Variants in ASTE1 observed in about 807,000 individuals in gnomAD.
ASTE1 encodes asteroid structure-specific endonuclease 1, also known as single-strand DNA endonuclease ASTE1.
Under a neutral mutation model 45.8 loss-of-function variants are expected in ASTE1, and 49 were observed. The observed-to-expected ratio is 1.07, with a 90% confidence interval of 0.85 to 1.36. The LOEUF (loss-of-function observed/expected upper bound fraction) is 1.36, where lower values mean the gene tolerates loss of function less well. Among genes scored for constraint, ASTE1 ranks in the 40% most tolerant of loss-of-function variants. ASTE1 has a pLI of 0.00. For missense variants in ASTE1, 709 were observed against 804.0 expected (o/e 0.88, Z 1.43); for synonymous variants, 296 against 303.9 (o/e 0.97, Z 0.27).
chr3:131,023,842 A>G (rs1013848753), intron 3 of ASTE1, among the ~76,000 whole-genome samples, 163 bp downstream of exon 3: 1 of 152,164 alleles, frequency 6.6e-6, no homozygotes, highest in Non-Finnish European at 1.5e-5. Context: ...TGGCTAAGAC[A>G]TTACCTAGTT....
chr3:131,016,267 C>T lies in ASTE1; in HGVS notation c.1586G>A (p.Arg529Gln), dbSNP rs768795298. 28 of 1,613,962 alleles carry T rather than the reference C, an allele frequency of 1.7e-5. No homozygotes were observed. The highest frequency in any genetic ancestry group is 1.3e-4 in the Admixed American group (8 of 59,980). ...GTCTAAGTCCAGTCTTGTGCCCAGC[C>T]GTGTCTGCGCCTTCACTCTTTGGAA... ...AEFQRVKAQT[R>Q]LGTRLDLDTA... Residue 529 changes from arginine to glutamine, a missense_variant, in exon 5 of 6, where the codon CGG becomes CAG. By Grantham distance (43) the Arg-to-Gln change is conservative. Transcript: ENST00000264992.
Position 131,025,345 on chromosome 3 carries a change from CAG to C in ASTE1, c.-25-16_-25-15del. On this transcript the variant is annotated splice_polypyrimidine_tract_variant and intron_variant, in intron 2 of 5. Transcript: ENST00000264992. ...AGAATTAATCGCCTGTTTAAAACAA[CAG>C]AAAACATTTTCAATTGATGCTAGTT... is the stretch of plus-strand genomic sequence containing the variant. 1 of 1,570,478 alleles carries C rather than the reference CAG, an allele frequency of 6.4e-7. No homozygotes were observed. The highest frequency in any genetic ancestry group is 8.6e-7 in the Non-Finnish European group (1 of 1,159,348).
In ASTE1 at chr3:131,024,459, T is replaced by G; in HGVS notation, c.848A>C (p.Lys283Thr). ...AAGTTCCTTAACATTTTCTCGATCC[T>G]TTTTTGGGAGGTATTTCAGAACATT... ...LDNVLKYLPK[K>T]DRENVKELLC... The change falls in exon 3 of 6, where the codon AAG becomes ACG. Residue 283 changes from lysine (K) to threonine (T), a missense_variant. Transcript: ENST00000264992. The G allele has an allele frequency of 1.2e-6, 2 of 1,614,152 alleles. No homozygotes were observed. Among genetic ancestry groups the G allele is most frequent in the South Asian group, 2.2e-5 (2 of 91,088 alleles).
At chr3:131,018,358 G>T in intron 4 of ASTE1, 148 bp downstream of exon 4, 1 of 753,680 alleles carries the variant, frequency 1.3e-6, no homozygotes, top group Non-Finnish European at 2.2e-6. Flanking sequence ...ACCAATGAAT[G>T]AATGATATTT....
intron 3 of ASTE1, among the ~76,000 whole-genome samples, chr3:131,021,041 C>T (rs2063735528): frequency 6.6e-6 from 1 of 152,194 alleles, no homozygotes; most frequent in African/African-American, 2.4e-5. Context: ...AAAACATTTT[C>T]ATGACCGTGG....
At chr3:131,016,599 C>T (rs956733296) in intron 4 of ASTE1, 1 of 485,826 alleles carries the variant, frequency 2.1e-6, no homozygotes. Flanking sequence ...CACTGGTCTA[C>T]TACCTGACCA....
chr3:131,014,147 G>T lies in ASTE1; in HGVS notation c.1950C>A (p.His650Gln), dbSNP rs140223581. 1.7e-4 allele frequency: 269 copies of T among 1,613,320 alleles called. 1 individual carries two copies. In the African/African-American group the frequency reaches 3.4e-3, roughly 20 times the overall value. ...TGTTTCCCTCATACCAACACTTGGT[G>T]TGTGCAGTGGTTCTCCCTCTGTTCT... is the stretch of plus-strand genomic sequence containing the variant. ...CSKNRGRTTA[H>Q]TKCWYEGNNR... The change falls in exon 6 of 6, where the codon CAC (histidine) becomes CAA (glutamine). Residue 650 changes from histidine (H) to glutamine (Q), a missense_variant. Transcript: ENST00000264992.
chr3:131,026,206 T>C (rs2063876999), intron 1 of ASTE1: 1 of 152,250 alleles, frequency 6.6e-6, no homozygotes, highest in African/African-American at 2.4e-5. Flanking sequence ...CTGAATTTTA[T>C]TGGCATCCAT....
Position 131,018,366 on chromosome 3 carries a change from T to C in ASTE1, c.1513+140A>G, listed in dbSNP as rs1395068882. 4.4e-5 allele frequency: 35 copies of C among 795,444 alleles called. No individual in the cohort carries two copies. In the South Asian group the frequency reaches 5.2e-4, roughly 12 times the overall value. The allele number at this position is 795,444 out of a possible 1,614,324, so 49.3% of individuals were successfully genotyped here. ...AATATTTACCAATGAATGAATGATA[T>C]TTTGGTGCCTCCACATCTAAGTTGT... On this transcript the variant is annotated intron_variant, in intron 4 of 5. Transcript: ENST00000264992.
At chr3:131,019,864 TTAA>T (rs766719295) in intron 3 of ASTE1, among the ~76,000 whole-genome samples, 12 of 152,204 alleles carry the variant, frequency 7.9e-5, no homozygotes, top group Non-Finnish European at 1.6e-4. Context: ...AATACTGCTT[TTAA>T]TAATATTGTG....
At chr3:131,019,596 C>G (rs1388278608) in intron 3 of ASTE1, among the ~76,000 whole-genome samples, 2 of 152,206 alleles carry the variant, frequency 1.3e-5, no homozygotes, top group African/African-American at 4.8e-5. Flanking sequence ...AAAAGGTCAT[C>G]TTCTGGGGGA....
Position 131,023,679 on chromosome 3 carries a change from C to T in ASTE1, c.1302+326G>A, listed in dbSNP as rs189644755. On this transcript the variant is annotated intron_variant, in intron 3 of 5. Transcript: ENST00000264992. Reference sequence around the variant, plus strand: ...ATTTTTTTCCTTTTTTTTTCAGCCACGTAACCCATTCTATTGATAGCTAGT... The same window carrying T: ...ATTTTTTTCCTTTTTTTTTCAGCCATGTAACCCATTCTATTGATAGCTAGT... Among the ~76,000 whole-genome samples, 152 of 151,724 alleles carry T rather than the reference C, an allele frequency of 1.0e-3. 1 individual carries two copies. Among genetic ancestry groups the T allele is most frequent in the Non-Finnish European group, 1.8e-3 (123 of 67,926 alleles).
intron 4 of ASTE1, 117 bp downstream of exon 4, chr3:131,018,389 T>G: frequency 9.8e-7 from 1 of 1,016,056 alleles, no homozygotes; most frequent in East Asian, 2.4e-5. Context: ...ACATCTAAGT[T>G]GTGATACAAT....
intron 4 of ASTE1, chr3:131,016,725 G>A: frequency 6.2e-6 from 2 of 320,188 alleles, no homozygotes; most frequent in South Asian, 5.4e-5. Flanking sequence ...CCCAAGCTGT[G>A]GTGCATTTGT....
In ASTE1 at chr3:131,018,720, A is replaced by G; in HGVS notation, c.1303-4T>C. Reference sequence around the variant, plus strand: ...TCTGCCGCCTCCTCAAGGAGAGCTGAAAATACACACCAAGTATCCTGCAAG... The same window carrying G: ...TCTGCCGCCTCCTCAAGGAGAGCTGGAAATACACACCAAGTATCCTGCAAG... On this transcript the variant is annotated splice_region_variant and splice_polypyrimidine_tract_variant and intron_variant, in intron 3 of 5. Coordinates refer to ENST00000264992, the MANE Select transcript of ASTE1 (RefSeq NM_014065.4). The G allele has an allele frequency of 1.2e-6, 2 of 1,613,526 alleles. No individual in the cohort carries two copies. The highest frequency in any genetic ancestry group is 1.7e-6 in the Non-Finnish European group (2 of 1,179,772).
chr3:131,021,493 T>G (rs1260174970), intron 3 of ASTE1, among the ~76,000 whole-genome samples: 1 of 152,194 alleles, frequency 6.6e-6, no homozygotes, highest in Non-Finnish European at 1.5e-5. Flanking sequence ...CAGTTAAAAC[T>G]ATTGTGTTGT....
chr3:131,019,033 C>T (rs2063707692), intron 3 of ASTE1, among the ~76,000 whole-genome samples: 1 of 152,200 alleles, frequency 6.6e-6, no homozygotes, highest in African/African-American at 2.4e-5. Context: ...AATCCTTAGG[C>T]CCTACTCCAT....
At chr3:131,018,831 C>T (rs950175716) in intron 3 of ASTE1, 115 bp from the exon 4 acceptor site, 1 of 1,030,818 alleles carries the variant, frequency 9.7e-7, no homozygotes, top group African/African-American at 1.6e-5. Flanking sequence ...AGCTGTTAAA[C>T]TTATCTTCTT....
Position 131,016,323 on chromosome 3 carries a change from C to T in ASTE1, c.1530G>A (p.Gln510=), listed in dbSNP as rs1281699412. 6.2e-7 allele frequency: 1 copy of T among 1,614,100 alleles called. No individual in the cohort carries two copies. Among genetic ancestry groups the T allele is most frequent in the East Asian group, 2.2e-5 (1 of 44,900 alleles). Residue 510 remains glutamine, a synonymous_variant, in exon 5 of 6, where the codon CAG becomes CAA. Transcript: ENST00000264992. ...CATACAACATCTTAGCACCATCTTC[C>T]TGCAGCTCTTCCTTACCTAAATAAA... ...IINSPGKEEL[Q]EDGAKMLYAE...
Sources: gnomAD v4.1 joint callset for allele counts (sites outside exome capture counted in the v4.1 genomes callset) on GRCh38, gnomAD v4.1.1 for gene constraint, MANE v1.5 for transcripts, NCBI Gene and HGNC (gene_info 2026-07-23, HGNC 2026-07-21) for gene names.